PCSK1: variants seen among roughly 807,000 people sequenced by gnomAD.
The protein encoded by PCSK1 is neuroendocrine convertase 1.
In PCSK1, 56 loss-of-function variants were observed where a neutral mutation model predicts 90.6. The observed-to-expected ratio is 0.62, with a 90% CI of 0.50 to 0.77. The LOEUF is 0.77. Among genes scored for constraint, PCSK1 ranks in the 30% least tolerant of loss-of-function variants. The probability of loss-of-function intolerance (pLI) is 0.00; values close to 1 mark genes in which losing one functional copy is unlikely to be tolerated. For missense variants in PCSK1, 801 were observed against 932.6 expected, an observed-to-expected ratio of 0.86 and a Z score of 1.84; for synonymous variants, 348 against 342.4, an observed-to-expected ratio of 1.02 and a Z score of -0.18.
chr5:96,420,388 T>C (rs1390012979), intron 5 of PCSK1, among the ~76,000 whole-genome samples: 1 of 152,208 alleles, frequency 6.6e-6, no homozygotes, highest in East Asian at 1.9e-4. Context: ...GGGTCTGCTG[T>C]AAGCTCTCGA....
chr5:96,432,222 G>T, intron 1 of PCSK1: 1 of 1,102,108 alleles, frequency 9.1e-7, no homozygotes, highest in African/African-American at 1.5e-5. Flanking sequence ...TCCCTAGAGA[G>T]TCGCGGGGAT....
At chr5:96,415,499 G>A (rs569825310) in intron 6 of PCSK1, among the ~76,000 whole-genome samples, 1 of 152,308 alleles carries the variant, frequency 6.6e-6, no homozygotes, top group South Asian at 2.1e-4. Context: ...AATGTCCACA[G>A]TTGCCCTAAT....
chr5:96,395,736 C>A (rs1336103710), intron 12 of PCSK1, among the ~76,000 whole-genome samples: 1 of 151,960 alleles, frequency 6.6e-6, no homozygotes, highest in Non-Finnish European at 1.5e-5. Context: ...CATGTGTATA[C>A]CTATGTAACA....
chr5:96,423,288 C>T (rs1580765556), intron 4 of PCSK1, 25 bp downstream of exon 4: 1 of 1,594,310 alleles, frequency 6.3e-7, no homozygotes, highest in Non-Finnish European at 8.6e-7. Flanking sequence ...CCCTAAGTCA[C>T]AGTCATGAGA....
In PCSK1 at chr5:96,425,900, C is replaced by T. The variant is rs1364933057; in HGVS notation, c.316G>A (p.Glu106Lys). 1 of 1,611,734 alleles carries T rather than the reference C, an allele frequency of 6.2e-7. No homozygotes were observed. Among genetic ancestry groups the T allele is most frequent in the Admixed American group, 1.7e-5 (1 of 60,002 alleles). ...VIWAEQQYEK[E>K]RSKRSALRDS... ...CTTAGAGCTGAACGTTTACTTCTTT[C>T]TTTTTCATACTGTTGTTCAGCCCAT... Residue 106 changes from glutamate to lysine, a missense_variant, in exon 3 of 14, where the codon GAA becomes AAA. Transcript: ENST00000311106.
intron 5 of PCSK1, among the ~76,000 whole-genome samples, chr5:96,420,495 C>T (rs1326724441): frequency 6.6e-6 from 1 of 152,078 alleles, no homozygotes. Flanking sequence ...GCGGTTAACC[C>T]CTTTAGTCAC....
Position 96,423,442 on chromosome 5 carries a change from C to T in PCSK1, c.414G>A (p.Thr138=), listed in dbSNP as rs1429307056. Residue 138 remains threonine, a synonymous_variant, in exon 4 of 14, where the codon ACG becomes ACA. Coordinates refer to ENST00000311106, the MANE Select transcript of PCSK1 (RefSeq NM_000439.5). ...GAAGGTCCAGCTTGGGCAGGGCTGC[C>T]GTCATCCTGGTATCTTGCTGGTAAA... ...QQWYLQDTRM[T]AALPKLDLHV... is the part of the protein sequence containing the mutation. 25 of 1,613,998 alleles carry T rather than the reference C, an allele frequency of 1.5e-5. No homozygotes were observed. Among genetic ancestry groups the T allele is most frequent in the Middle Eastern group, 1.6e-4 (1 of 6,062 alleles).
chr5:96,408,239 G>A lies in PCSK1; in HGVS notation c.1180C>T (p.Leu394=), dbSNP rs1316330324. 2.5e-6 allele frequency: 4 copies of A among 1,613,588 alleles called. No individual in the cohort carries two copies. The highest frequency in any genetic ancestry group is 3.4e-6 in the Non-Finnish European group (4 of 1,179,584). ...SAPLAAGIFA[L]ALEANPNLTW... is the part of the protein sequence containing the mutation. ...GGGCCTTACTTTGCTTCCAGGGCCA[G>A]AGCGAAGATGCCAGCAGCCAGAGGT... Residue 394 remains leucine, a synonymous_variant, in exon 9 of 14, where the codon CTG becomes TTG. Coordinates refer to ENST00000311106, the MANE Select transcript of PCSK1 (RefSeq NM_000439.5).
intron 1 of PCSK1, among the ~76,000 whole-genome samples, chr5:96,432,337 C>CA (rs1761533895): frequency 6.6e-6 from 1 of 152,200 alleles, no homozygotes; most frequent in Admixed American, 6.5e-5. Context: ...GGCACTCTTC[C>CA]AATGCCCTGG....
chr5:96,430,002 C>G (rs1304003103), intron 1 of PCSK1, among the ~76,000 whole-genome samples: 2 of 152,190 alleles, frequency 1.3e-5, no homozygotes, highest in African/African-American at 4.8e-5. Context: ...ACCTGGGATA[C>G]TATCTATGGT....
intron 7 of PCSK1, among the ~76,000 whole-genome samples, chr5:96,411,272 C>G (rs1204857064): frequency 6.6e-6 from 1 of 152,184 alleles, no homozygotes; most frequent in African/African-American, 2.4e-5. Context: ...TGCACTTGCT[C>G]ATATTTTTCC....
intron 4 of PCSK1, among the ~76,000 whole-genome samples, chr5:96,422,253 T>A (rs897804870): frequency 6.6e-6 from 1 of 152,120 alleles, no homozygotes; most frequent in Non-Finnish European, 1.5e-5. Context: ...TTTACTTAGT[T>A]CAGTCATCTC....
Position 96,393,394 on chromosome 5 carries a change from C to T in PCSK1, c.1885-16G>A, listed in dbSNP as rs779063310. The T allele has an allele frequency of 6.2e-7, 1 of 1,613,158 alleles. No individual in the cohort carries two copies. The highest frequency in any genetic ancestry group is 2.2e-5 in the East Asian group (1 of 44,856). Reference sequence around the variant, plus strand: ...TGGGCTGCTCCTAAAACATAGAATGCCATCCACAAAGGGAAGAAGGTTCAT... The same window carrying T: ...TGGGCTGCTCCTAAAACATAGAATGTCATCCACAAAGGGAAGAAGGTTCAT... On this transcript the variant is annotated splice_polypyrimidine_tract_variant and intron_variant, in intron 13 of 13. Coordinates refer to ENST00000311106, the MANE Select transcript of PCSK1 (RefSeq NM_000439.5).
intron 9 of PCSK1, among the ~76,000 whole-genome samples, chr5:96,403,548 T>C (rs1003391351): frequency 6.6e-6 from 1 of 152,208 alleles, no homozygotes; most frequent in African/African-American, 2.4e-5. Flanking sequence ...CCTTTGTTAA[T>C]TTGTGCTCAA....
At chr5:96,393,831 C>T (rs1403786555) in intron 13 of PCSK1, among the ~76,000 whole-genome samples, 2 of 152,142 alleles carry the variant, frequency 1.3e-5, no homozygotes, top group South Asian at 2.1e-4. Flanking sequence ...CAGAACTACC[C>T]TTTTAGCCAC....
At chr5:96,401,082 G>A (rs1320147926) in intron 9 of PCSK1, among the ~76,000 whole-genome samples, 2 of 60,154 alleles carry the variant, frequency 3.3e-5, no homozygotes, top group African/African-American at 1.7e-4. Context: ...GCGGGACTCC[G>A]TCTCAAAAAA....
intron 2 of PCSK1, 46 bp from the exon 3 acceptor site, chr5:96,425,976 C>G (rs1413365008): frequency 5.8e-6 from 6 of 1,030,366 alleles, no homozygotes; most frequent in Non-Finnish European, 9.1e-6. Context: ...AAATATCTAC[C>G]TCTGTATACT....
chr5:96,423,783 T>C (rs559308520), intron 3 of PCSK1, among the ~76,000 whole-genome samples: 2 of 152,336 alleles, frequency 1.3e-5, no homozygotes, highest in South Asian at 4.1e-4. Context: ...AACCCTTTCA[T>C]CTATGGAAGC....
chr5:96,425,726 CAT>C, intron 3 of PCSK1, 92 bp downstream of exon 3: 1 of 654,754 alleles, frequency 1.5e-6, no homozygotes, highest in East Asian at 2.8e-5. Flanking sequence ...AATTCTCCAT[CAT>C]AAAAAAAAAA....
Sources: allele counts gnomAD v4.1 joint callset (sites outside exome capture counted in the v4.1 genomes callset), GRCh38; gene constraint gnomAD v4.1.1; transcripts MANE v1.5; gene names NCBI Gene and HGNC (gene_info 2026-07-23, HGNC 2026-07-21).